Variants in PPA1 observed in about 807,000 individuals in gnomAD.
The protein encoded by PPA1 is inorganic pyrophosphatase.
PPA1 carries 23 observed loss-of-function variants against 41.8 expected under a neutral mutation model. The observed-to-expected ratio is 0.55, with a 90% CI of 0.40 to 0.78. The LOEUF is 0.78. Ranked by LOEUF, PPA1 falls within the 30% of genes least tolerant of loss-of-function variation. The pLI is 0.00. For synonymous variants in PPA1, 101 were observed against 116.8 expected (o/e 0.86, Z 0.87); for missense variants, 320 against 361.6 (o/e 0.89, Z 0.93).
At chr10:70,225,542 T>C (rs1425589058) in intron 2 of PPA1, among the ~76,000 whole-genome samples, 1 of 152,090 alleles carries the variant, frequency 6.6e-6, no homozygotes, top group Non-Finnish European at 1.5e-5. Flanking sequence ...TCTTTATTGT[T>C]TTGCAATAAA....
At chr10:70,223,646 A>G (rs1307034192) in intron 2 of PPA1, among the ~76,000 whole-genome samples, 3 of 152,128 alleles carry the variant, frequency 2.0e-5, no homozygotes, top group African/African-American at 4.8e-5. Context: ...GATATTTAGG[A>G]TTTTTCAGGG....
intron 10 of PPA1, 111 bp downstream of exon 10, chr10:70,204,762 C>T: frequency 2.3e-6 from 2 of 870,158 alleles, no homozygotes; most frequent in Non-Finnish European, 1.8e-6. Flanking sequence ...AAACATCACA[C>T]TGTACCCATA....
chr10:70,219,010 T>C (rs746933760), intron 2 of PPA1, among the ~76,000 whole-genome samples, 193 bp from the exon 3 acceptor site: 59 of 152,332 alleles, frequency 3.9e-4, no homozygotes, highest in Non-Finnish European at 7.9e-4. Flanking sequence ...ATATTCATTA[T>C]AGAATCAAGG....
chr10:70,221,066 A>ATT (rs1351186412), intron 2 of PPA1, among the ~76,000 whole-genome samples: 2 of 15,892 alleles, frequency 1.3e-4, no homozygotes, highest in African/African-American at 4.6e-4. Flanking sequence ...ATTTATATAT[A>ATT]TATATATATA....
chr10:70,210,081 T>G, intron 6 of PPA1: 1 of 310,918 alleles, frequency 3.2e-6, no homozygotes, highest in Non-Finnish European at 6.2e-6. Flanking sequence ...AGACAGAGGT[T>G]ATCTTTTTTT....
At chr10:70,214,886 C>T (rs191636682) in intron 4 of PPA1, among the ~76,000 whole-genome samples, 9 of 152,226 alleles carry the variant, frequency 5.9e-5, no homozygotes, top group Admixed American at 2.6e-4. Context: ...TAGACCCAAA[C>T]GTTTACTTTA....
intron 5 of PPA1, 25 bp from the exon 6 acceptor site, chr10:70,213,614 G>T: frequency 6.2e-7 from 1 of 1,611,830 alleles, no homozygotes; most frequent in Non-Finnish European, 8.5e-7. Flanking sequence ...CCAAAGTCAG[G>T]ACAACATTAC....
chr10:70,227,359 C>T (rs1840239963), intron 2 of PPA1, among the ~76,000 whole-genome samples: 1 of 152,152 alleles, frequency 6.6e-6, no homozygotes, highest in Admixed American at 6.5e-5. Context: ...ATTAAAAGGT[C>T]CTGATATGGG....
chr10:70,211,468 C>T (rs1012614373), intron 6 of PPA1, among the ~76,000 whole-genome samples: 2 of 152,108 alleles, frequency 1.3e-5, no homozygotes. Context: ...ACAATCCTCT[C>T]CCCAGGTCCC....
intron 4 of PPA1, among the ~76,000 whole-genome samples, chr10:70,217,120 T>A (rs922686913): frequency 1.3e-5 from 2 of 151,034 alleles, no homozygotes; most frequent in East Asian, 3.9e-4. Flanking sequence ...ATCACGCCAC[T>A]GCACTCCAGC....
chr10:70,212,394 T>A (rs1222080243), intron 6 of PPA1, among the ~76,000 whole-genome samples: 6 of 152,204 alleles, frequency 3.9e-5, no homozygotes, highest in Admixed American at 1.3e-4. Flanking sequence ...TACAGGAATG[T>A]TCATGGCAGC....
chr10:70,230,523 G>A, intron 1 of PPA1, 124 bp from the exon 2 acceptor site: 1 of 990,050 alleles, frequency 1.0e-6, no homozygotes, highest in Non-Finnish European at 1.5e-6. Context: ...GTGCAATGGT[G>A]TGATCTTGGC....
At chr10:70,214,762 C>G (rs1225705182) in intron 4 of PPA1, among the ~76,000 whole-genome samples, 176 bp from the exon 5 acceptor site, 3 of 152,182 alleles carry the variant, frequency 2.0e-5, no homozygotes, top group Non-Finnish European at 4.4e-5. Flanking sequence ...TGCTGTAGCT[C>G]CTACTACACA....
In PPA1 at chr10:70,203,121, T is replaced by C. The variant is rs781688454; in HGVS notation, c.*34A>G. The stretch of plus-strand genomic sequence containing the variant: ...CTAATACATCCAGATGAACACGATG[T>C]AGCAATATCAGCTTGTATTCCAGAG... On this transcript the variant is annotated 3_prime_UTR_variant, in exon 11 of 11. Coordinates refer to ENST00000373232, the MANE Select transcript of PPA1 (RefSeq NM_021129.4). 1 of 1,585,538 alleles carries C rather than the reference T, an allele frequency of 6.3e-7. No homozygotes were observed. Among genetic ancestry groups the C allele is most frequent in the Non-Finnish European group, 8.6e-7 (1 of 1,156,146 alleles).
Position 70,209,317 on chromosome 10 carries a change from A to G in PPA1, c.640-27T>C, listed in dbSNP as rs1839987983. 2.7e-6 allele frequency: 4 copies of G among 1,505,104 alleles called. No homozygotes were observed. The African/African-American group carries it at 4.2e-5, about 16-fold the overall frequency. 93.2% of individuals were successfully genotyped at this position (1,505,104 alleles called of 1,614,324 possible). A position where few individuals can be genotyped will look rare whatever the true frequency, so the allele number is the denominator to read the frequency against. On this transcript the variant is annotated intron_variant, in intron 7 of 10. Coordinates refer to ENST00000373232, the MANE Select transcript of PPA1 (RefSeq NM_021129.4). ...TATAATTTGAAGAGGTTTGCATTAC[A>G]ATGATAAAAAGGTATTATTTTCCTA...
intron 6 of PPA1, chr10:70,210,158 T>C: frequency 6.1e-6 from 2 of 328,004 alleles, no homozygotes; most frequent in Non-Finnish European, 1.2e-5. Context: ...CAAGGCTCAC[T>C]GCAGCCTTGA....
In PPA1 at chr10:70,208,194, AAAC is replaced by A. The variant is rs1272341057; in HGVS notation, c.725+1008_725+1010del. Among the ~76,000 whole-genome samples the A allele has an allele frequency of 5.3e-5, 8 of 152,354 alleles. No homozygotes were observed. The East Asian group carries it at 9.6e-4, about 18-fold the overall frequency. The stretch of plus-strand genomic sequence containing the variant: ...AACAAGAGCAAGACTCTGTCTCAGA[AAAC>A]AACAACAACAAAGAAATACACCATC... On this transcript the variant is annotated intron_variant, in intron 8 of 10. Coordinates refer to ENST00000373232, the MANE Select transcript of PPA1 (RefSeq NM_021129.4).
At chr10:70,230,218 G>A (rs1350092445) in intron 2 of PPA1, 123 bp downstream of exon 2, 1 of 1,172,956 alleles carries the variant, frequency 8.5e-7, no homozygotes, top group African/African-American at 1.6e-5. Context: ...CTAATCAACA[G>A]ACCTTTAGCT....
intron 1 of PPA1, among the ~76,000 whole-genome samples, chr10:70,232,670 G>A (rs545703667): frequency 2.0e-5 from 3 of 152,290 alleles, no homozygotes; most frequent in East Asian, 3.9e-4. Context: ...GGCGCTGAGG[G>A]AAAACAGGCG....
Sources: allele counts gnomAD v4.1 joint callset (sites outside exome capture counted in the v4.1 genomes callset), GRCh38; gene constraint gnomAD v4.1.1; transcripts MANE v1.5; gene names NCBI Gene and HGNC (gene_info 2026-07-23, HGNC 2026-07-21).